Variants in GABBR2 observed in about 807,000 individuals in gnomAD.
The protein encoded by GABBR2 is gamma-aminobutyric acid type B receptor subunit 2, also known as G-protein coupled receptor 51.
In GABBR2, 23 loss-of-function variants were observed where a neutral mutation model predicts 105.6. That is an observed-to-expected ratio of 0.22 (90% CI 0.16 to 0.31). The LOEUF is 0.31. Ranked by LOEUF, GABBR2 falls within the 10% of genes least tolerant of loss-of-function variation. The probability of loss-of-function intolerance (pLI) is 1.00; values close to 1 mark genes in which losing one functional copy is unlikely to be tolerated. For missense variants in GABBR2, 734 were observed against 1,245.5 expected (o/e 0.59, Z 6.18); for synonymous variants, 478 against 499.7 (o/e 0.96, Z 0.58).
intron 4 of GABBR2, among the ~76,000 whole-genome samples, chr9:98,485,802 G>A (rs977850082): frequency 3.9e-5 from 6 of 152,276 alleles, no homozygotes; most frequent in East Asian, 3.9e-4. Context: ...ACACCCGCCC[G>A]GCTGCAGTGA....
chr9:98,585,189 G>C (rs1012041923), intron 1 of GABBR2, among the ~76,000 whole-genome samples: 1 of 152,076 alleles, frequency 6.6e-6, no homozygotes, highest in Non-Finnish European at 1.5e-5. Context: ...ACTAGCTAAC[G>C]TATACTGTGC....
intron 4 of GABBR2, among the ~76,000 whole-genome samples, chr9:98,482,085 T>A (rs570388982): frequency 1.3e-5 from 2 of 152,330 alleles, no homozygotes; most frequent in South Asian, 4.1e-4. Flanking sequence ...AGCCGCTTCC[T>A]GCCCTCCACA....
Position 98,306,464 on chromosome 9 carries a change from T to TGGGG in GABBR2, c.2005-120_2005-119insCCCC. The stretch of plus-strand genomic sequence containing the variant: ...GGAGGTGGGCTGCAGGGAGGGAGGG[T>TGGGG]CGGGGGCCTTGCTGTCAGCCGGGTC... On this transcript the variant is annotated intron_variant, in intron 14 of 18. Coordinates refer to ENST00000259455, the MANE Select transcript of GABBR2 (RefSeq NM_005458.8). The surrounding 1 kb of genome is among the most constrained non-coding windows in gnomAD (Gnocchi z 5.4). 4 of 439,816 alleles carry TGGGG rather than the reference T, an allele frequency of 9.1e-6. No homozygotes were observed. The highest frequency in any genetic ancestry group is 2.0e-5 in the African/African-American group (1 of 48,936). The allele number at this position is 439,816 out of a possible 1,614,324, so 27.2% of individuals were successfully genotyped here.
rs112718533 is a variant in GABBR2 at position 98,666,918 on chromosome 9, G to C, written c.321+41499C>G. Among the ~76,000 whole-genome samples, 1,305 of 152,318 alleles carry C rather than the reference G, an allele frequency of 8.6e-3. 9 individuals carry two copies. Among genetic ancestry groups the C allele is most frequent in the Admixed American group, 0.01 (157 of 15,314 alleles). ...CTGATCCTGGTCATCAAGAGGGGCAGGGCTGCTCTTAGGTGATGGGGGCCT... is the reference window on the plus strand; with the variant it reads ...CTGATCCTGGTCATCAAGAGGGGCACGGCTGCTCTTAGGTGATGGGGGCCT... On this transcript the variant is annotated intron_variant, in intron 1 of 18. Coordinates refer to ENST00000259455, the MANE Select transcript of GABBR2 (RefSeq NM_005458.8).
intron 13 of GABBR2, among the ~76,000 whole-genome samples, chr9:98,336,572 G>T (rs1831119328): frequency 6.6e-6 from 1 of 152,100 alleles, no homozygotes; most frequent in African/African-American, 2.4e-5. Flanking sequence ...AGGCATGGTG[G>T]CATGTGCCTG....
At chr9:98,590,747 C>A (rs144375961) in intron 1 of GABBR2, among the ~76,000 whole-genome samples, 3 of 152,194 alleles carry the variant, frequency 2.0e-5, no homozygotes, top group Non-Finnish European at 2.9e-5. Flanking sequence ...TTGTGGGGCA[C>A]ATTGGTTCAA....
chr9:98,379,871 G>A (rs1250206354), intron 11 of GABBR2, among the ~76,000 whole-genome samples: 2 of 151,978 alleles, frequency 1.3e-5, no homozygotes, highest in East Asian at 1.9e-4. Flanking sequence ...CAAAATTTAT[G>A]GTATGTGGAT....
intron 1 of GABBR2, among the ~76,000 whole-genome samples, chr9:98,593,667 T>C (rs10986878): frequency 0.38 from 57,341 of 151,974 alleles, 11,225 homozygotes; most frequent in African/African-American, 0.48. Flanking sequence ...TTGGGAGCCA[T>C]GTCCCCGAAT....
intron 7 of GABBR2, among the ~76,000 whole-genome samples, chr9:98,440,150 C>T (rs765294902): frequency 2.4e-4 from 37 of 152,184 alleles, no homozygotes; most frequent in Non-Finnish European, 4.3e-4. Flanking sequence ...CATCACAGCT[C>T]CAGAGCTACC....
At chr9:98,452,646 A>G (rs181854817) in intron 7 of GABBR2, among the ~76,000 whole-genome samples, 1 of 152,330 alleles carries the variant, frequency 6.6e-6, no homozygotes, top group Non-Finnish European at 1.5e-5. Flanking sequence ...GTCTAACTAC[A>G]TTATGTATTT....
chr9:98,496,104 A>T lies in GABBR2; in HGVS notation c.732+309T>A, dbSNP rs1352155640. On this transcript the variant is annotated intron_variant, in intron 4 of 18. Transcript: ENST00000259455. Reference sequence around the variant, plus strand: ...CTGAAAGACAGTTCCTCTCTCTGTGACTCTTCAAAACAGACATGACAATCA... The same window carrying T: ...CTGAAAGACAGTTCCTCTCTCTGTGTCTCTTCAAAACAGACATGACAATCA... The T allele has an allele frequency of 7.4e-5, 26 of 349,558 alleles. No homozygotes were observed. The Admixed American group carries it at 1.0e-3, about 14-fold the overall frequency. The allele number at this position is 349,558 out of a possible 1,614,324, so 21.7% of individuals were successfully genotyped here.
rs1469702735 is a variant in GABBR2 at position 98,511,449 on chromosome 9, A to C, written c.631-14935T>G. ...ATAGAGACACAAAAAATCCTTCAAA[A>C]AATTAATGAATCCAGGAGCTGGTTT... is the stretch of plus-strand genomic sequence containing the variant. On this transcript the variant is annotated intron_variant, in intron 3 of 18. Coordinates refer to ENST00000259455, the MANE Select transcript of GABBR2 (RefSeq NM_005458.8). 4.2e-5 allele frequency among the ~76,000 whole-genome samples: 4 copies of C among 95,556 alleles called. No homozygotes were observed. In the East Asian group the frequency reaches 1.0e-3, roughly 25 times the overall value. 62.7% of individuals were successfully genotyped at this position (95,556 alleles called of 152,430 possible).
At chr9:98,503,435 G>C (rs1827444718) in intron 3 of GABBR2, among the ~76,000 whole-genome samples, 1 of 152,076 alleles carries the variant, frequency 6.6e-6, no homozygotes, top group Non-Finnish European at 1.5e-5. Flanking sequence ...GACATTATTA[G>C]AACTATGATT....
chr9:98,429,121 G>GGTGTGTGTGTGTGTGTGT (rs56248488), intron 7 of GABBR2, among the ~76,000 whole-genome samples: 3,461 of 145,432 alleles, frequency 0.024, 36 homozygotes, highest in East Asian at 0.032. Context: ...CCAGGTTTTT[G>GGTGTGTGTGTGTGTGTGT]GTGTGTGTGT....
At chr9:98,478,299 G>C (rs1826836134) in intron 5 of GABBR2, among the ~76,000 whole-genome samples, 1 of 152,046 alleles carries the variant, frequency 6.6e-6, no homozygotes, top group African/African-American at 2.4e-5. Context: ...CCTCTGCTCT[G>C]AGCGTCCCCT....
At chr9:98,625,278 G>C (rs10987128) in intron 1 of GABBR2, among the ~76,000 whole-genome samples, 2 of 152,092 alleles carry the variant, frequency 1.3e-5, no homozygotes, top group African/African-American at 4.8e-5. Context: ...CACTTGCCCA[G>C]GGAAGGAAGC....
chr9:98,448,055 T>A (rs146621450), intron 7 of GABBR2, among the ~76,000 whole-genome samples: 38 of 152,028 alleles, frequency 2.5e-4, no homozygotes, highest in African/African-American at 8.7e-4. Flanking sequence ...TGCCTGAACC[T>A]AAGGGTGCCA....
chr9:98,320,019 C>A (rs1830790809), intron 13 of GABBR2, among the ~76,000 whole-genome samples: 1 of 152,098 alleles, frequency 6.6e-6, no homozygotes, highest in Admixed American at 6.5e-5. Context: ...GCAAAAGAAA[C>A]TACCATCAGA....
chr9:98,458,663 T>C (rs563487390), intron 6 of GABBR2, among the ~76,000 whole-genome samples: 1 of 152,186 alleles, frequency 6.6e-6, no homozygotes, highest in Non-Finnish European at 1.5e-5. Context: ...CGAGATTGCA[T>C]CATTGCACTC....
Sources: gnomAD v4.1 joint callset for allele counts (sites outside exome capture counted in the v4.1 genomes callset) on GRCh38, gnomAD v4.1.1 for gene constraint, Gnocchi (gnomAD v3.1) non-coding constraint, MANE v1.5 for transcripts, NCBI Gene and HGNC (gene_info 2026-07-23, HGNC 2026-07-21) for gene names.